Variants in STPG2 observed in about 807,000 individuals in gnomAD.
STPG2 encodes the protein sperm tail PG-rich repeat containing 2.
Under a neutral mutation model 54.2 loss-of-function variants are expected in STPG2, and 56 were observed. The observed-to-expected ratio is 1.03, with a 90% CI of 0.83 to 1.29. The LOEUF is 1.29. STPG2 is among the 50% of genes most tolerant of loss of function. STPG2 has a pLI of 0.00. For missense variants in STPG2, 596 were observed against 544.9 expected, an observed-to-expected ratio of 1.09 and a Z score of -0.93; for synonymous variants, 200 against 181.8, an observed-to-expected ratio of 1.10 and a Z score of -0.81.
intron 10 of STPG2, among the ~76,000 whole-genome samples, chr4:97,561,252 T>C (rs1478636511): frequency 1.3e-5 from 2 of 152,242 alleles, no homozygotes; most frequent in Non-Finnish European, 2.9e-5. Flanking sequence ...ATGTCTTCTT[T>C]TGAGAAGTGT....
At chr4:97,601,563 C>T (rs1733462705) in intron 10 of STPG2, among the ~76,000 whole-genome samples, 1 of 151,766 alleles carries the variant, frequency 6.6e-6, no homozygotes, top group South Asian at 2.1e-4. Context: ...GTAAGTGGGA[C>T]TTATATTTAA....
chr4:97,554,184 C>T (rs972770148), downstream of STPG2, among the ~76,000 whole-genome samples: 2 of 152,122 alleles, frequency 1.3e-5, no homozygotes, highest in Non-Finnish European at 2.9e-5. Flanking sequence ...TCTTCCTCCT[C>T]AAAAGAAAGG....
rs548140268 is a variant in STPG2, at chr4:97,797,424, T to C, written c.1204+43349A>G. Among the ~76,000 whole-genome samples, 15 of 152,350 alleles carry C rather than the reference T, an allele frequency of 9.8e-5. No homozygotes were observed. The East Asian group carries it at 1.3e-3, about 14-fold the overall frequency. ...GGCTGTTGAATTTTGTCAAAGGCCT[T>C]TTCTGCATCTATTGAGATAATCCTG... On this transcript the variant is annotated intron_variant, in intron 9 of 10. Transcript: ENST00000295268.
intron 5 of STPG2, among the ~76,000 whole-genome samples, chr4:98,002,315 C>T (rs1011932731): frequency 2.2e-4 from 34 of 151,972 alleles, no homozygotes; most frequent in African/African-American, 7.7e-4. Context: ...TACCTGATAG[C>T]GTAAAAAGAC....
intron 10 of STPG2, among the ~76,000 whole-genome samples, chr4:97,619,443 T>A (rs998228614): frequency 6.6e-6 from 1 of 152,116 alleles, no homozygotes; most frequent in Non-Finnish European, 1.5e-5. Context: ...GGTTTTAAAT[T>A]TTTGAAACAT....
intron 8 of STPG2, among the ~76,000 whole-genome samples, chr4:97,912,195 G>C (rs1731707285): frequency 6.6e-6 from 1 of 151,934 alleles, no homozygotes; most frequent in Non-Finnish European, 1.5e-5. Flanking sequence ...AGGTAGATAA[G>C]CCCACAAAGA....
rs562040060 is a variant in STPG2 at position 97,974,631 on chromosome 4, C to T, written c.773-2191G>A. Reference sequence around the variant, plus strand: ...TGTTCTCATGATAGTGAGTAAGTCTCACAAGATCTAATGGTTTTAAAAACT... The same window carrying T: ...TGTTCTCATGATAGTGAGTAAGTCTTACAAGATCTAATGGTTTTAAAAACT... On this transcript the variant is annotated intron_variant, in intron 6 of 10. Transcript: ENST00000295268. Among the ~76,000 whole-genome samples, 8 of 152,260 alleles carry T rather than the reference C, an allele frequency of 5.3e-5. No homozygotes were observed. In the South Asian group the frequency reaches 1.5e-3, roughly 28 times the overall value.
intron 9 of STPG2, among the ~76,000 whole-genome samples, chr4:97,731,545 C>A (rs1434039471): frequency 6.6e-6 from 1 of 152,184 alleles, no homozygotes; most frequent in East Asian, 1.9e-4. Context: ...CCAACCAGGT[C>A]TCCTTCCGGT....
intron 9 of STPG2, among the ~76,000 whole-genome samples, chr4:97,747,498 T>A (rs1201593980): frequency 1.3e-5 from 2 of 151,398 alleles, no homozygotes; most frequent in Non-Finnish European, 3.0e-5. Flanking sequence ...TTCCTTTACA[T>A]CCTTTTACTT....
At chr4:97,449,091 A>G (rs1327603026) in intron 4 of STPG2, among the ~76,000 whole-genome samples, 1 of 151,928 alleles carries the variant, frequency 6.6e-6, no homozygotes, top group Non-Finnish European at 1.5e-5. Context: ...ATAAAATAAA[A>G]TATATAAAAG....
intron 4 of STPG2, among the ~76,000 whole-genome samples, chr4:97,483,189 G>A (rs1730268558): frequency 1.3e-5 from 2 of 151,544 alleles, no homozygotes; most frequent in South Asian, 4.2e-4. Context: ...AGGTACACAG[G>A]CAACAAATAC....
chr4:97,855,640 C>A (rs963715838), intron 8 of STPG2, among the ~76,000 whole-genome samples: 1 of 152,104 alleles, frequency 6.6e-6, no homozygotes, highest in East Asian at 1.9e-4. Flanking sequence ...ACGAAAGTTT[C>A]TTCTGCTGTG....
intron 9 of STPG2, among the ~76,000 whole-genome samples, chr4:97,807,389 A>G (rs1340155023): frequency 6.6e-6 from 1 of 152,028 alleles, no homozygotes; most frequent in East Asian, 1.9e-4. Context: ...TCTATCTAAA[A>G]ACAATCCTTA....
At chr4:97,801,657 T>G (rs1727403930) in intron 9 of STPG2, among the ~76,000 whole-genome samples, 1 of 152,120 alleles carries the variant, frequency 6.6e-6, no homozygotes, top group Admixed American at 6.6e-5. Context: ...AATGTCTCTT[T>G]TTTTCTTTCT....
intron 4 of STPG2, among the ~76,000 whole-genome samples, chr4:97,543,976 G>T (rs1283813995): frequency 3.3e-5 from 5 of 151,692 alleles, no homozygotes; most frequent in Admixed American, 6.6e-5. Flanking sequence ...ACCTCCAAAA[G>T]GTACGAATAT....
At chr4:97,815,880 G>GT (rs984591830) in intron 9 of STPG2, among the ~76,000 whole-genome samples, 12 of 152,090 alleles carry the variant, frequency 7.9e-5, no homozygotes, top group South Asian at 4.2e-4. Context: ...CCAAATACCT[G>GT]TTTTTTTATT....
At chr4:97,486,372 A>G (rs768580317) in intron 4 of STPG2, among the ~76,000 whole-genome samples, 3 of 151,972 alleles carry the variant, frequency 2.0e-5, no homozygotes, top group African/African-American at 7.2e-5. Flanking sequence ...ATGAATAGAC[A>G]ATTCCCAAAA....
chr4:98,050,491 G>T (rs1737284236), intron 5 of STPG2, among the ~76,000 whole-genome samples: 1 of 151,858 alleles, frequency 6.6e-6, no homozygotes. Flanking sequence ...CTGAATCCTT[G>T]CTTATACTGG....
chr4:97,796,983 T>A lies in STPG2; in HGVS notation c.1204+43790A>T, dbSNP rs554866865. Reference sequence around the variant, plus strand: ...TTGTGAATGGGAGTTCACTCATGATTTGGCTCTCTGTTATTGGTGTATAAG... The same window carrying A: ...TTGTGAATGGGAGTTCACTCATGATATGGCTCTCTGTTATTGGTGTATAAG... On this transcript the variant is annotated intron_variant, in intron 9 of 10. Transcript: ENST00000295268. Among the ~76,000 whole-genome samples the A allele has an allele frequency of 1.3e-4, 20 of 151,944 alleles. No homozygotes were observed. In the East Asian group the frequency reaches 2.9e-3, roughly 22 times the overall value.
Sources: allele counts gnomAD v4.1 joint callset (sites outside exome capture counted in the v4.1 genomes callset), GRCh38; gene constraint gnomAD v4.1.1; transcripts MANE v1.5; gene names NCBI Gene and HGNC (gene_info 2026-07-23, HGNC 2026-07-21).